The following TNPO1 variants were observed in gnomAD, a reference collection of about 807,000 sequenced individuals.
TNPO1 encodes the protein transportin-1.
A neutral mutation model predicts 119.5 loss-of-function variants in TNPO1; 8 were observed. The ratio of observed to expected loss-of-function variants is 0.07; its 90% CI spans 0.04 to 0.12. The LOEUF is 0.12. TNPO1 is among the 10% of genes least tolerant of loss of function. The probability of loss-of-function intolerance (pLI) is 1.00; values close to 1 mark genes in which losing one functional copy is unlikely to be tolerated. For missense variants in TNPO1, 576 were observed against 1,089.8 expected, an observed-to-expected ratio of 0.53 and a Z score of 6.64; for synonymous variants, 362 against 363.0, an observed-to-expected ratio of 1.00 and a Z score of 0.03.
At chr5:72,856,627 G>A (rs1273554494) in intron 4 of TNPO1, among the ~76,000 whole-genome samples, 2 of 152,118 alleles carry the variant, frequency 1.3e-5, no homozygotes, top group Non-Finnish European at 2.9e-5. Context: ...AAAAACCTAA[G>A]TGTATATAGG....
intron 1 of TNPO1, among the ~76,000 whole-genome samples, chr5:72,831,775 T>C (rs1744484794): frequency 6.6e-6 from 1 of 152,054 alleles, no homozygotes; most frequent in African/African-American, 2.4e-5. Context: ...GTTTTCAGTG[T>C]TTTCTTCATA....
chr5:72,898,364 CTTTA>C (rs1203925065), intron 20 of TNPO1, among the ~76,000 whole-genome samples: 1 of 151,902 alleles, frequency 6.6e-6, no homozygotes, highest in Non-Finnish European at 1.5e-5. Flanking sequence ...AACAAATTGG[CTTTA>C]TTTATAAGAT....
At chr5:72,839,036 A>C (rs562987490) in intron 1 of TNPO1, among the ~76,000 whole-genome samples, 15 of 152,288 alleles carry the variant, frequency 9.8e-5, no homozygotes, top group Admixed American at 2.0e-4. Context: ...ATAATACGTA[A>C]GGCTTTTAAA....
At position 72,913,322 on chromosome 5, in the gene TNPO1, A is replaced by G. The variant is rs185115169; in HGVS notation, c.*4649A>G. 302 of 152,568 alleles carry G rather than the reference A, an allele frequency of 2.0e-3. 3 individuals are homozygous for G. Among genetic ancestry groups the G allele is most frequent in the African/African-American group, 7.0e-3 (290 of 41,560 alleles). The allele number at this position is 152,568 out of a possible 1,614,324, so 9.5% of individuals were successfully genotyped here. A position where few individuals can be genotyped will look rare whatever the true frequency, so the allele number is the denominator to read the frequency against. ...TCAATCTTACATAGATCTTTCACCC[A>G]TTAGCATTACTTACGTAGATAATTC... On this transcript the variant is annotated 3_prime_UTR_variant, in exon 25 of 25. Transcript: ENST00000337273.
At chr5:72,903,650 C>G in intron 22 of TNPO1, 59 bp from the exon 23 acceptor site, 2 of 1,160,514 alleles carry the variant, frequency 1.7e-6, no homozygotes. Flanking sequence ...TTACATATAT[C>G]TTTTGCTGAG....
intron 24 of TNPO1, among the ~76,000 whole-genome samples, chr5:72,905,885 A>C (rs1400331722): frequency 6.6e-6 from 1 of 152,146 alleles, no homozygotes; most frequent in Non-Finnish European, 1.5e-5. Context: ...GGACAGAGCA[A>C]GACTCCATCT....
chr5:72,905,515 T>C (rs1750080639), intron 24 of TNPO1, 70 bp downstream of exon 24: 12 of 666,384 alleles, frequency 1.8e-5, no homozygotes. Flanking sequence ...TTCAAACTAC[T>C]AAATAGAATA....
intron 6 of TNPO1, among the ~76,000 whole-genome samples, chr5:72,866,322 A>C (rs1158733606): frequency 6.6e-6 from 1 of 152,200 alleles, no homozygotes; most frequent in African/African-American, 2.4e-5. Flanking sequence ...TTACAACATT[A>C]TAATAATGTT....
At chr5:72,856,803 C>T (rs1045700097) in intron 4 of TNPO1, among the ~76,000 whole-genome samples, 3 of 152,034 alleles carry the variant, frequency 2.0e-5, no homozygotes, top group African/African-American at 7.2e-5. Context: ...TATAGTAACT[C>T]GTATAAATCT....
intron 1 of TNPO1, among the ~76,000 whole-genome samples, chr5:72,820,655 G>A (rs1315251264): frequency 1.3e-5 from 2 of 152,148 alleles, no homozygotes; most frequent in Non-Finnish European, 2.9e-5. Flanking sequence ...GCCTGAATCT[G>A]AATCTAGATC....
intron 3 of TNPO1, among the ~76,000 whole-genome samples, chr5:72,853,801 T>C (rs947532252): frequency 2.8e-4 from 42 of 152,222 alleles, no homozygotes; most frequent in African/African-American, 9.2e-4. Context: ...TGTAGTAATC[T>C]TATCACTGAA....
At chr5:72,862,755 C>T (rs564449621) in intron 5 of TNPO1, among the ~76,000 whole-genome samples, 2 of 152,126 alleles carry the variant, frequency 1.3e-5, no homozygotes, top group Non-Finnish European at 2.9e-5. Context: ...AAGTGATTCT[C>T]CCACCTCAGC....
intron 1 of TNPO1, among the ~76,000 whole-genome samples, chr5:72,829,717 G>T (rs1744362362): frequency 1.3e-5 from 2 of 152,194 alleles, no homozygotes; most frequent in African/African-American, 4.8e-5. Context: ...CCAAATGAGA[G>T]TATGTGATTG....
chr5:72,888,916 T>G (rs1263531469), intron 13 of TNPO1, among the ~76,000 whole-genome samples: 1 of 152,214 alleles, frequency 6.6e-6, no homozygotes, highest in African/African-American at 2.4e-5. Flanking sequence ...TTACTACAAA[T>G]ATTCCAGTTT....
intron 24 of TNPO1, among the ~76,000 whole-genome samples, chr5:72,906,283 T>A (rs1205731792): frequency 1.6e-5 from 1 of 61,960 alleles, no homozygotes; most frequent in African/African-American, 5.8e-5. Flanking sequence ...TTCTTTTTTT[T>A]TTTTTTTTTT....
chr5:72,857,338 G>GT (rs1746081320), intron 4 of TNPO1, among the ~76,000 whole-genome samples: 1 of 151,616 alleles, frequency 6.6e-6, no homozygotes, highest in African/African-American at 2.4e-5. Context: ...AAGAGTTCCT[G>GT]TTTTGTCTTG....
At chr5:72,882,332 T>G (rs934182064) in intron 9 of TNPO1, 135 bp from the exon 10 acceptor site, 1 of 554,278 alleles carries the variant, frequency 1.8e-6, no homozygotes, top group East Asian at 2.9e-5. Context: ...AGCAGACATA[T>G]ATCACTGAAT....
chr5:72,863,221 G>A (rs541926953), intron 5 of TNPO1, among the ~76,000 whole-genome samples: 1 of 151,916 alleles, frequency 6.6e-6, no homozygotes, highest in Non-Finnish European at 1.5e-5. Context: ...GTAAAGCATC[G>A]ACTCCTATAC....
rs986466226 is a variant in TNPO1 at position 72,909,623 on chromosome 5, T to C, written c.*950T>C. ...CATGCTTGCATCACATAGAGTGAGA[T>C]TGGTATTCATTTACCTATGTTGCGC... is the stretch of plus-strand genomic sequence containing the variant. On this transcript the variant is annotated 3_prime_UTR_variant, in exon 25 of 25. Transcript: ENST00000337273. 1 of 152,570 alleles carries C rather than the reference T, an allele frequency of 6.6e-6. No individual in the cohort carries two copies. Among genetic ancestry groups the C allele is most frequent in the African/African-American group, 2.4e-5 (1 of 41,452 alleles). 9.5% of individuals were successfully genotyped at this position (152,570 alleles called of 1,614,324 possible).
Sources: allele counts gnomAD v4.1 joint callset (sites outside exome capture counted in the v4.1 genomes callset), GRCh38; gene constraint gnomAD v4.1.1; transcripts MANE v1.5; gene names NCBI Gene and HGNC (gene_info 2026-07-23, HGNC 2026-07-21).